CFAP74: variants seen among roughly 807,000 people sequenced by gnomAD.
The protein encoded by CFAP74 is cilia and flagella associated protein 74, also known as cilia- and flagella-associated protein 74.
Under a neutral mutation model 188.9 loss-of-function variants are expected in CFAP74, and 124 were observed. The observed-to-expected ratio is 0.66, with a 90% CI of 0.57 to 0.76. The LOEUF (loss-of-function observed/expected upper bound fraction) is 0.76, where lower values mean the gene tolerates loss of function less well. Among genes scored for constraint, CFAP74 ranks in the 30% least tolerant of loss-of-function variants. The pLI is 0.00. For missense variants in CFAP74, 2,198 were observed against 2,165.2 expected (o/e 1.02, Z -0.30); for synonymous variants, 956 against 916.7 (o/e 1.04, Z -0.77).
In CFAP74 at chr1:1,956,718, T is replaced by C. The variant is rs773965065; in HGVS notation, c.1918A>G (p.Ile640Val). Reference protein sequence around the residue: ...YVVGETTSRTITLTNVGGLGT... With the variant: ...YVVGETTSRTVTLTNVGGLGT... ...AAGCCCCCAACGTTGGTCAGCGTGA[T>C]GGTCCGAGACGTGGTCTCTCCTACC... Residue 640 changes from isoleucine to valine, a missense_variant, in exon 17 of 39, where the codon ATC becomes GTC. Physicochemically the swap from Ile to Val is conservative, Grantham distance 29 (BLOSUM62 3). Transcript: ENST00000682832. The C allele has an allele frequency of 6.2e-7, 1 of 1,614,016 alleles. No homozygotes were observed. The highest frequency in any genetic ancestry group is 8.5e-7 in the Non-Finnish European group (1 of 1,179,954).
At position 1,926,917 on chromosome 1, in the gene CFAP74, C is replaced by T; in HGVS notation, c.3639G>A (p.Lys1213=). Residue 1213 remains lysine (K), a synonymous_variant, in exon 29 of 39, where the codon AAG becomes AAA. Coordinates refer to ENST00000682832, the MANE Select transcript of CFAP74 (RefSeq NM_001304360.2). ...VVASGDIKDR[K]GSEPLSFSPH... is the part of the protein sequence containing the mutation. ...ACCTGAAGCTCAGGGGTTCTGACCC[C>T]TTCCTGTCTTTGATGTCGCCACTGG... is the stretch of plus-strand genomic sequence containing the variant. The T allele has an allele frequency of 6.5e-7, 1 of 1,550,252 alleles. No individual in the cohort carries two copies. The highest frequency in any genetic ancestry group is 8.7e-7 in the Non-Finnish European group (1 of 1,146,882).
At chr1:1,969,515 G>A (rs1033248878) in intron 10 of CFAP74, among the ~76,000 whole-genome samples, 5 of 147,252 alleles carry the variant, frequency 3.4e-5, no homozygotes, top group African/African-American at 9.9e-5. Flanking sequence ...CAGTCCCCCA[G>A]CAGCCTTGGC....
At chr1:1,953,654 T>C (rs933951949) in intron 18 of CFAP74, 2 of 153,664 alleles carry the variant, frequency 1.3e-5, no homozygotes, top group African/African-American at 4.8e-5. Context: ...CAGAGTCCAC[T>C]TGTGCCGTGG....
intron 28 of CFAP74, 67 bp from the exon 29 acceptor site, chr1:1,927,095 C>G (rs189444965): frequency 1.5e-5 from 23 of 1,533,424 alleles, no homozygotes; most frequent in Non-Finnish European, 1.8e-5. Flanking sequence ...GGCCGGACCC[C>G]TGCGGCTCTG....
At position 1,923,266 on chromosome 1, in the gene CFAP74, T is replaced by C. The variant is rs1651534305; in HGVS notation, c.4522+101A>G. 3 of 1,488,362 alleles carry C rather than the reference T, an allele frequency of 2.0e-6. No homozygotes were observed. The highest frequency in any genetic ancestry group is 2.8e-5 in the African/African-American group (2 of 70,854). 92.2% of individuals were successfully genotyped at this position (1,488,362 alleles called of 1,614,324 possible). A position where few individuals can be genotyped will look rare whatever the true frequency, so the allele number is the denominator to read the frequency against. ...CCTGCTTGGCTCTGGGGTAGAAGGC[T>C]GGGAATCCCTGCCCTGCTCCGCTGG... On this transcript the variant is annotated intron_variant, in intron 36 of 38. Transcript: ENST00000682832. This position sits in a 1 kb window ranked among gnomAD's most constrained non-coding sequence, Gnocchi z 6.3.
intron 6 of CFAP74, among the ~76,000 whole-genome samples, chr1:1,976,047 C>T (rs771033397): frequency 1.3e-5 from 2 of 152,214 alleles, no homozygotes. Flanking sequence ...AAAGCCTGTT[C>T]CTCAAAGGCA....
intron 18 of CFAP74, among the ~76,000 whole-genome samples, chr1:1,948,088 G>A (rs970459181): frequency 1.3e-5 from 2 of 151,836 alleles, no homozygotes; most frequent in Non-Finnish European, 2.9e-5. Flanking sequence ...GGCCAGACTG[G>A]TCTCGAACTC....
rs140256970 is a variant in CFAP74 at position 1,993,631 on chromosome 1, G to A, written c.-19-2656C>T. On this transcript the variant is annotated intron_variant, in intron 1 of 38. Coordinates refer to ENST00000682832, the MANE Select transcript of CFAP74 (RefSeq NM_001304360.2). ...CCTTAAATATGTGATTGGTTTTAAC[G>A]CCTATTAATCACATTGTGCTTGTAC... is the stretch of plus-strand genomic sequence containing the variant. Among the ~76,000 whole-genome samples, 1,262 of 149,318 alleles carry A rather than the reference G, an allele frequency of 8.5e-3. 19 individuals are homozygous for A. Among genetic ancestry groups the A allele is most frequent in the South Asian group, 0.038 (175 of 4,602 alleles).
At chr1:1,988,408 G>A in intron 4 of CFAP74, 104 bp downstream of exon 4, 1 of 1,424,086 alleles carries the variant, frequency 7.0e-7, no homozygotes, top group Non-Finnish European at 9.6e-7. Flanking sequence ...CTCCCTTGCA[G>A]GCCCTCAGGG....
Position 1,954,726 on chromosome 1 carries a change from T to A in CFAP74, c.2176+965A>T, listed in dbSNP as rs796985009. Reference sequence around the variant, plus strand: ...TGAGCCCGGGAGGTCGAGGCTGCAGTGAGCTGTGACTGCACCACTGCACTC... The same window carrying A: ...TGAGCCCGGGAGGTCGAGGCTGCAGAGAGCTGTGACTGCACCACTGCACTC... On this transcript the variant is annotated intron_variant, in intron 18 of 38. Coordinates refer to ENST00000682832, the MANE Select transcript of CFAP74 (RefSeq NM_001304360.2). 4.7e-5 allele frequency: 43 copies of A among 914,732 alleles called. No individual in the cohort carries two copies. In the African/African-American group the frequency reaches 7.7e-4, roughly 16 times the overall value. The allele number at this position is 914,732 out of a possible 1,614,324, so 56.7% of individuals were successfully genotyped here. A position where few individuals can be genotyped will look rare whatever the true frequency, so the allele number is the denominator to read the frequency against.
At chr1:1,966,740 C>T (rs563632135) in intron 11 of CFAP74, among the ~76,000 whole-genome samples, 2 of 152,232 alleles carry the variant, frequency 1.3e-5, no homozygotes, top group African/African-American at 4.8e-5. Flanking sequence ...TTCTACAATG[C>T]TCAGAAGAGT....
At chr1:1,963,659 G>T in intron 14 of CFAP74, 90 bp downstream of exon 14, 2 of 790,366 alleles carry the variant, frequency 2.5e-6, no homozygotes, top group Non-Finnish European at 4.2e-6. Context: ...CCCATATAGA[G>T]CCTGTTCCAG....
At chr1:1,995,289 T>G (rs1657855259) in intron 1 of CFAP74, among the ~76,000 whole-genome samples, 1 of 151,876 alleles carries the variant, frequency 6.6e-6, no homozygotes, top group Admixed American at 6.6e-5. Context: ...ACTTAAGGTT[T>G]GAGACCAGCC....
intron 18 of CFAP74, among the ~76,000 whole-genome samples, chr1:1,950,782 T>G (rs1654157022): frequency 6.6e-6 from 1 of 152,248 alleles, no homozygotes; most frequent in Non-Finnish European, 1.5e-5. Context: ...TAACAGCGTC[T>G]TTCAAAAAGC....
At chr1:1,944,574 G>A in intron 20 of CFAP74, 122 bp from the exon 21 acceptor site, 1 of 977,836 alleles carries the variant, frequency 1.0e-6, no homozygotes, top group East Asian at 2.7e-5. Context: ...AACTCTTTGG[G>A]ACGGCTGTGG....
chr1:1,982,422 G>T (rs1656961504), intron 6 of CFAP74, among the ~76,000 whole-genome samples: 1 of 152,228 alleles, frequency 6.6e-6, no homozygotes, highest in Admixed American at 6.5e-5. Context: ...CCCCGCCAGG[G>T]ACAGACACGG....
At chr1:1,994,961 A>T (rs1029948262) in intron 1 of CFAP74, among the ~76,000 whole-genome samples, 3 of 152,106 alleles carry the variant, frequency 2.0e-5, no homozygotes, top group African/African-American at 7.3e-5. Flanking sequence ...GCGCTGGCTG[A>T]CCCTCTGCAG....
Position 1,992,534 on chromosome 1 carries a change from C to T in CFAP74, c.-19-1559G>A, listed in dbSNP as rs932958972. ...AGTCTCCCAGGCTGGAGTGCAGTGG[C>T]GGGATCTTGGCTCACTGCAAGCTCT... On this transcript the variant is annotated intron_variant, in intron 1 of 38. Coordinates refer to ENST00000682832, the MANE Select transcript of CFAP74 (RefSeq NM_001304360.2). Among the ~76,000 whole-genome samples, 12 of 151,330 alleles carry T rather than the reference C, an allele frequency of 7.9e-5. No homozygotes were observed. The South Asian group carries it at 8.4e-4, about 11-fold the overall frequency.
chr1:1,981,382 G>A (rs1030624482), intron 6 of CFAP74, among the ~76,000 whole-genome samples: 2 of 152,200 alleles, frequency 1.3e-5, no homozygotes, highest in African/African-American at 2.4e-5. Context: ...GGGGACCCTC[G>A]GGGGCTGGCA....
Sources: allele counts gnomAD v4.1 joint callset (sites outside exome capture counted in the v4.1 genomes callset), GRCh38; gene constraint gnomAD v4.1.1; non-coding constraint Gnocchi (gnomAD v3.1); transcripts MANE v1.5; gene names NCBI Gene and HGNC (gene_info 2026-07-23, HGNC 2026-07-21).